FRMD4A: variants seen among roughly 807,000 people sequenced by gnomAD.
FRMD4A encodes the protein FERM domain containing 4A, also known as FERM domain-containing protein 4A.
Under a neutral mutation model 129.1 loss-of-function variants are expected in FRMD4A, and 29 were observed. The observed-to-expected ratio is 0.22, with a 90% confidence interval of 0.17 to 0.31. FRMD4A has a LOEUF of 0.31. FRMD4A is among the 10% of genes least tolerant of loss of function. The probability of loss-of-function intolerance (pLI) is 1.00; values close to 1 mark genes in which losing one functional copy is unlikely to be tolerated. For missense variants in FRMD4A, 1,272 were observed against 1,375.8 expected (o/e 0.92, Z 1.19); for synonymous variants, 634 against 571.6 (o/e 1.11, Z -1.56).
At position 14,213,994 on chromosome 10, in the gene FRMD4A, G is replaced by A. The variant is rs146105155; in HGVS notation, c.45+116064C>T. ...TCTCGTGATAGTAAATAAGTCTCAC[G>A]AGATCTGATGGTTTTGTAAAGGGCA... On this transcript the variant is annotated intron_variant, in intron 2 of 24. Transcript: ENST00000357447. Among the ~76,000 whole-genome samples, 29 of 152,304 alleles carry A rather than the reference G, an allele frequency of 1.9e-4. No individual in the cohort carries two copies. The East Asian group carries it at 5.2e-3, about 27-fold the overall frequency.
chr10:14,053,467 C>T (rs1235209729), intron 2 of FRMD4A, among the ~76,000 whole-genome samples: 1 of 152,150 alleles, frequency 6.6e-6, no homozygotes, highest in East Asian at 1.9e-4. Context: ...GCTGATCTAC[C>T]CCCAGTGGAA....
intron 2 of FRMD4A, among the ~76,000 whole-genome samples, chr10:14,296,965 G>A (rs1021948025): frequency 3.9e-5 from 6 of 152,122 alleles, no homozygotes; most frequent in Non-Finnish European, 5.9e-5. Context: ...AACTCTCCGA[G>A]CCCAGACACA....
intron 8 of FRMD4A, among the ~76,000 whole-genome samples, chr10:13,754,877 A>G (rs1318325155): frequency 2.0e-5 from 3 of 152,166 alleles, no homozygotes; most frequent in Non-Finnish European, 4.4e-5. Flanking sequence ...GTACCATATG[A>G]TCATGCCAGC....
At chr10:14,300,740 G>T (rs1253806492) in intron 2 of FRMD4A, among the ~76,000 whole-genome samples, 1 of 152,200 alleles carries the variant, frequency 6.6e-6, no homozygotes, top group African/African-American at 2.4e-5. Context: ...GGAGACAGAA[G>T]GGCTTCTCCT....
intron 2 of FRMD4A, among the ~76,000 whole-genome samples, chr10:13,990,078 G>A (rs1190562424): frequency 6.6e-6 from 1 of 152,144 alleles, no homozygotes; most frequent in African/African-American, 2.4e-5. Flanking sequence ...TGCCACTGCT[G>A]GCTGCGTAAC....
chr10:14,110,881 G>A (rs1227782504), intron 2 of FRMD4A, among the ~76,000 whole-genome samples: 1 of 151,998 alleles, frequency 6.6e-6, no homozygotes, highest in East Asian at 1.9e-4. Context: ...ACCTAGGCTG[G>A]AGTGCAGTGG....
At chr10:14,305,044 T>C (rs927942878) in intron 2 of FRMD4A, among the ~76,000 whole-genome samples, 1 of 152,212 alleles carries the variant, frequency 6.6e-6, no homozygotes, top group Non-Finnish European at 1.5e-5. Flanking sequence ...ATAAACAACC[T>C]GAGCTTGAAT....
intron 2 of FRMD4A, chr10:14,326,986 G>A (rs1843303865): frequency 5.0e-6 from 2 of 398,548 alleles, no homozygotes; most frequent in Non-Finnish European, 8.8e-6. Context: ...GCTCTGTCCT[G>A]TGTGGAGAGG....
chr10:14,230,069 T>C (rs952472553), intron 2 of FRMD4A, among the ~76,000 whole-genome samples: 7 of 152,224 alleles, frequency 4.6e-5, no homozygotes, highest in African/African-American at 1.7e-4. Context: ...GAGCTTCTTA[T>C]AAATAGTTAC....
chr10:13,839,051 C>G (rs568957026), intron 3 of FRMD4A, among the ~76,000 whole-genome samples: 72 of 124,834 alleles, frequency 5.8e-4, no homozygotes, highest in African/African-American at 2.2e-3. Flanking sequence ...GGCTGGAGTA[C>G]AGTGGTGGAT....
chr10:14,119,905 T>G (rs1408414606), intron 2 of FRMD4A, among the ~76,000 whole-genome samples: 2 of 152,000 alleles, frequency 1.3e-5, no homozygotes, highest in Non-Finnish European at 2.9e-5. Context: ...GTTCCAGGAC[T>G]ATAAAATATG....
intron 2 of FRMD4A, among the ~76,000 whole-genome samples, chr10:14,126,923 A>G (rs1838875733): frequency 6.6e-6 from 1 of 152,194 alleles, no homozygotes; most frequent in South Asian, 2.1e-4. Context: ...TTGGCCCTGC[A>G]CAGAGCTGTC....
At chr10:14,241,476 G>C (rs77198833) in intron 2 of FRMD4A, among the ~76,000 whole-genome samples, 11,630 of 152,060 alleles carry the variant, frequency 0.076, 460 homozygotes, top group Non-Finnish European at 0.09. Flanking sequence ...TGGCATGAAA[G>C]AGGTGTTTAA....
chr10:14,053,060 C>T (rs565379115), intron 2 of FRMD4A, among the ~76,000 whole-genome samples: 6 of 152,286 alleles, frequency 3.9e-5, no homozygotes, highest in African/African-American at 1.4e-4. Flanking sequence ...CAAACCACAT[C>T]CATACCTTAG....
intron 2 of FRMD4A, among the ~76,000 whole-genome samples, chr10:14,284,439 G>A (rs1415930898): frequency 1.3e-5 from 2 of 152,100 alleles, no homozygotes; most frequent in South Asian, 2.1e-4. Context: ...ACGAGATCAG[G>A]ACATCAAGAC....
intron 2 of FRMD4A, among the ~76,000 whole-genome samples, chr10:14,077,269 A>G (rs936005266): frequency 6.6e-6 from 1 of 152,240 alleles, no homozygotes; most frequent in African/African-American, 2.4e-5. Flanking sequence ...TTCTGGTTCT[A>G]TAAATGCTGT....
intron 2 of FRMD4A, among the ~76,000 whole-genome samples, chr10:14,192,925 A>G (rs1196417431): frequency 6.6e-6 from 1 of 152,266 alleles, no homozygotes; most frequent in Non-Finnish European, 1.5e-5. Context: ...GTACATAGCA[A>G]TATGAACTAA....
intron 15 of FRMD4A, among the ~76,000 whole-genome samples, chr10:13,689,198 C>CGGGGGGGGG (rs61670615): frequency 1.5e-4 from 10 of 68,012 alleles, no homozygotes; most frequent in Admixed American, 3.9e-4. Flanking sequence ...AAACTCTTTG[C>CGGGGGGGGG]GGGGGGGGGG....
At chr10:13,656,007 G>T (rs1359241362) in intron 22 of FRMD4A, 3 of 152,052 alleles carry the variant, frequency 2.0e-5, no homozygotes, top group Non-Finnish European at 4.4e-5. Flanking sequence ...AGAATATAAG[G>T]TAAACTTTAT....
Sources: allele counts gnomAD v4.1 joint callset (sites outside exome capture counted in the v4.1 genomes callset), GRCh38; gene constraint gnomAD v4.1.1; transcripts MANE v1.5; gene names NCBI Gene and HGNC (gene_info 2026-07-23, HGNC 2026-07-21).